Variants in UQCC6 observed in about 807,000 individuals in gnomAD.
UQCC6 encodes the protein ubiquinol-cytochrome c reductase complex assembly factor 6, also known as protein BRAWNIN.
the UQCC6 span, among the ~76,000 whole-genome samples, chr12:103,958,941 T>C: frequency 2.6e-5 from 4 of 152,378 alleles, no homozygotes; most frequent in African/African-American, 9.6e-5. Flanking sequence ...TTGCCCTTTA[T>C]TGTCCTGCTT....
chr12:103,955,575 G>A, the UQCC6 span: 19 of 337,486 alleles, frequency 5.6e-5, no homozygotes, highest in Middle Eastern at 8.6e-4. Context: ...GTGAGGCTGC[G>A]GTGAGCTGAT....
At chr12:103,951,526 T>G in the UQCC6 span, 1 of 1,500,558 alleles carries the variant, frequency 6.7e-7, no homozygotes, top group South Asian at 1.2e-5. Flanking sequence ...GGCATAGTTA[T>G]TTAAGTTCCT....
the UQCC6 span, among the ~76,000 whole-genome samples, chr12:103,960,575 A>G: frequency 6.6e-6 from 1 of 151,964 alleles, no homozygotes; most frequent in Non-Finnish European, 1.5e-5. Flanking sequence ...TTATATGTGG[A>G]AAAAAACACA....
the UQCC6 span, among the ~76,000 whole-genome samples, chr12:103,964,220 T>A: frequency 7.8e-6 from 1 of 127,980 alleles, no homozygotes; most frequent in Non-Finnish European, 1.6e-5. Flanking sequence ...TGGTTCGATC[T>A]CAGCTCACTG....
chr12:103,953,740 G>A, the UQCC6 span: 3 of 593,826 alleles, frequency 5.1e-6, no homozygotes, highest in Non-Finnish European at 9.1e-6. Flanking sequence ...CTTCAATATG[G>A]CCCTTCTAAA....
At chr12:103,956,918 G>C in the UQCC6 span, 1 of 573,826 alleles carries the variant, frequency 1.7e-6, no homozygotes, top group Non-Finnish European at 3.1e-6. Context: ...TTTACGAGCT[G>C]AGGGCACTGA....
chr12:103,962,218 C>T, the UQCC6 span, among the ~76,000 whole-genome samples: 1 of 152,128 alleles, frequency 6.6e-6, no homozygotes, highest in Non-Finnish European at 1.5e-5. Flanking sequence ...ATGTTCTGGA[C>T]ACAAGTCCTT....
At chr12:103,956,208 C>G in the UQCC6 span, 20,437 of 138,418 alleles carry the variant, frequency 0.15, 1,535 homozygotes, top group Admixed American at 0.23. Flanking sequence ...AGAAGGAAAC[C>G]AAGCCAAGTT....
At chr12:103,950,311 C>T in the UQCC6 span, 1 of 142,460 alleles carries the variant, frequency 7.0e-6, no homozygotes, top group Non-Finnish European at 1.5e-5. Flanking sequence ...ACCCTTCGAT[C>T]AACACCTGAG....
the UQCC6 span, chr12:103,956,711 A>C: frequency 5.2e-6 from 8 of 1,551,548 alleles, no homozygotes; most frequent in Non-Finnish European, 6.1e-6. Flanking sequence ...ATTTTCAGGT[A>C]GGTGGACATG....
the UQCC6 span, chr12:103,955,604 C>A: frequency 2.7e-6 from 1 of 375,238 alleles, no homozygotes; most frequent in Non-Finnish European, 5.2e-6. Flanking sequence ...TGCACTCCAA[C>A]CTGGGCAACA....
the UQCC6 span, chr12:103,956,469 T>C: frequency 1.7e-6 from 1 of 598,218 alleles, no homozygotes; most frequent in Non-Finnish European, 3.1e-6. Flanking sequence ...CCAGGGCAAA[T>C]GTGATCCTAA....
chr12:103,956,743 G>C, the UQCC6 span: 3 of 1,547,182 alleles, frequency 1.9e-6, no homozygotes, highest in Admixed American at 5.9e-5. Flanking sequence ...GGGCATGGTC[G>C]GCAGGCTGGA....
chr12:103,959,986 G>T, the UQCC6 span, among the ~76,000 whole-genome samples: 2 of 151,556 alleles, frequency 1.3e-5, no homozygotes, highest in Non-Finnish European at 2.9e-5. Context: ...TGTTGTCCAG[G>T]CTGGTCACAA....
chr12:103,956,510 G>A, the UQCC6 span: 34 of 669,888 alleles, frequency 5.1e-5, no homozygotes, highest in Admixed American at 5.2e-4. Context: ...GCTGCCACGA[G>A]GAGAATGGAG....
At chr12:103,958,705 GGTT>G in the UQCC6 span, among the ~76,000 whole-genome samples, 1 of 152,170 alleles carries the variant, frequency 6.6e-6, no homozygotes, top group African/African-American at 2.4e-5. Flanking sequence ...TGAACATTTT[GGTT>G]GTTTCTAGTT....
chr12:103,953,909 C>T, the UQCC6 span, among the ~76,000 whole-genome samples: 1 of 152,206 alleles, frequency 6.6e-6, no homozygotes, highest in South Asian at 2.1e-4. Flanking sequence ...ATGTCTATTC[C>T]TGCACAAGCT....
the UQCC6 span, chr12:103,956,539 A>G: frequency 2.4e-6 from 2 of 832,506 alleles, no homozygotes; most frequent in Admixed American, 2.2e-5. Flanking sequence ...GAGCATCTGC[A>G]TTGCTATAAA....
chr12:103,958,760 T>TA, the UQCC6 span, among the ~76,000 whole-genome samples: 3 of 151,896 alleles, frequency 2.0e-5, no homozygotes, highest in Non-Finnish European at 4.4e-5. Flanking sequence ...TGTTGGAACC[T>TA]AAAAAAAACA....
Sources: gnomAD v4.1 joint callset for allele counts (sites outside exome capture counted in the v4.1 genomes callset) on GRCh38, gnomAD v4.1.1 for gene constraint, MANE v1.5 for transcripts, NCBI Gene and HGNC (gene_info 2026-07-23, HGNC 2026-07-21) for gene names.